The following ZNF283 variants were observed in gnomAD, a reference collection of about 807,000 sequenced individuals.
ZNF283 encodes zinc finger protein 41.
In ZNF283, 10 loss-of-function variants were observed where a neutral mutation model predicts 9.2. That is an observed-to-expected ratio of 1.09 (90% CI 0.67 to 1.85). The LOEUF (loss-of-function observed/expected upper bound fraction) is 1.85. Ranked by LOEUF, ZNF283 falls within the 40% of genes most tolerant of loss-of-function variation. ZNF283 has a pLI of 0.00. For synonymous variants in ZNF283, 234 were observed against 244.1 expected (o/e 0.96, Z 0.38); for missense variants, 631 against 760.1 (o/e 0.83, Z 2.00).
chr19:43,848,681 CA>C lies in ZNF283; in HGVS notation c.*42del. On this transcript the variant is annotated 3_prime_UTR_variant, in exon 7 of 7. Transcript: ENST00000618787. ...AGAATATTTTGTGTGTGTGTATAGACAACTTATCATAATAAGAACTCTTACT... is the reference window on the plus strand; with the variant it reads ...AGAATATTTTGTGTGTGTGTATAGACACTTATCATAATAAGAACTCTTACT... The C allele has an allele frequency of 6.7e-7, 1 of 1,487,318 alleles. No individual in the cohort carries two copies. The highest frequency in any genetic ancestry group is 1.5e-5 in the South Asian group (1 of 66,414). The allele number at this position is 1,487,318 out of a possible 1,614,324, so 92.1% of individuals were successfully genotyped here.
chr19:43,846,693 C>T (rs1020365362), intron 6 of ZNF283, among the ~76,000 whole-genome samples: 8 of 152,090 alleles, frequency 5.3e-5, no homozygotes, highest in South Asian at 4.1e-4. Context: ...GGAACATCAG[C>T]GTGGGAAAAT....
chr19:43,847,209 C>T lies in ZNF283; in HGVS notation c.608C>T (p.Thr203Ile), dbSNP rs1363015911. ...SLTPHQRIHN[T>I]EKSYVCKECG... The stretch of plus-strand genomic sequence containing the variant: ...ACTCCACATCAAAGAATTCATAATA[C>T]AGAGAAATCCTATGTTTGTAAGGAA... The change falls in exon 7 of 7, where the codon ACA (threonine) becomes ATA (isoleucine). Residue 203 changes from threonine to isoleucine, a missense_variant. Coordinates refer to ENST00000618787, the MANE Select transcript of ZNF283 (RefSeq NM_181845.2). 1 of 1,613,836 alleles carries T rather than the reference C, an allele frequency of 6.2e-7. No individual in the cohort carries two copies. The highest frequency in any genetic ancestry group is 8.5e-7 in the Non-Finnish European group (1 of 1,179,802).
chr19:43,841,979 A>G (rs533241683), intron 6 of ZNF283, among the ~76,000 whole-genome samples: 1 of 152,264 alleles, frequency 6.6e-6, no homozygotes, highest in South Asian at 2.1e-4. Flanking sequence ...CTTTACATTT[A>G]TCATGCTTCA....
chr19:43,847,444 T>C lies in ZNF283; in HGVS notation c.843T>C (p.His281=). 1 of 1,613,984 alleles carries C rather than the reference T, an allele frequency of 6.2e-7. No homozygotes were observed. The highest frequency in any genetic ancestry group is 8.5e-7 in the Non-Finnish European group (1 of 1,179,930). ...TFSWGSSLVK[H]ERIHTGEKPY... is the part of the protein sequence containing the mutation. ...GCTGGGGATCAAGCCTTGTTAAACA[T>C]GAGAGAATTCACACTGGTGAGAAAC... The change falls in exon 7 of 7, where the codon CAT becomes CAC. Residue 281 remains histidine, a synonymous_variant. Transcript: ENST00000618787.
At chr19:43,839,785 C>A (rs1331989250) in intron 6 of ZNF283, among the ~76,000 whole-genome samples, 1 of 151,908 alleles carries the variant, frequency 6.6e-6, no homozygotes, top group African/African-American at 2.4e-5. Context: ...AATTTCTATC[C>A]TTTTATTGAT....
intron 6 of ZNF283, among the ~76,000 whole-genome samples, chr19:43,838,442 A>G (rs1971067630): frequency 6.6e-6 from 1 of 152,154 alleles, no homozygotes; most frequent in African/African-American, 2.4e-5. Context: ...CATGGGCAGC[A>G]TGGCAAAACC....
intron 6 of ZNF283, among the ~76,000 whole-genome samples, chr19:43,846,443 A>T (rs1971402903): frequency 1.3e-5 from 2 of 152,176 alleles, no homozygotes; most frequent in Non-Finnish European, 2.9e-5. Context: ...TGTTTTTGCA[A>T]ATAAAGTTGT....
chr19:43,838,405 C>T (rs1391842760), intron 6 of ZNF283, among the ~76,000 whole-genome samples: 2 of 152,160 alleles, frequency 1.3e-5, no homozygotes, highest in African/African-American at 4.8e-5. Context: ...ACGGTTGGAT[C>T]ACTTGAGGCC....
intron 6 of ZNF283, among the ~76,000 whole-genome samples, chr19:43,846,537 T>C (rs7254659): frequency 0.4 from 61,498 of 151,942 alleles, 12,875 homozygotes; most frequent in South Asian, 0.55. Flanking sequence ...TTGCGACCAT[T>C]GAGTTGTTAG....
Position 43,847,144 on chromosome 19 carries a change from C to G in ZNF283, c.543C>G (p.Ser181Arg), listed in dbSNP as rs1249834989. 1.2e-6 allele frequency: 2 copies of G among 1,613,222 alleles called. No individual in the cohort carries two copies. The highest frequency in any genetic ancestry group is 2.7e-5 in the African/African-American group (2 of 74,890). Reference sequence around the variant, plus strand: ...GATACTTCAGTCAAATGATAATCAGCTATGAAAAAATACCTTCTTACAGAA... The same window carrying G: ...GATACTTCAGTCAAATGATAATCAGGTATGAAAAAATACCTTCTTACAGAA... ...QEGYFSQMII[S>R]YEKIPSYRKS... Residue 181 changes from serine to arginine, a missense_variant, in exon 7 of 7, where the codon AGC becomes AGG. Physicochemically the swap from Ser to Arg is moderately radical, Grantham distance 110 (BLOSUM62 -1). This residue lies in a region of ZNF283 where 184 missense variants were observed against 220.0 expected (regional missense o/e 0.84). Transcript: ENST00000618787.
chr19:43,839,550 T>C (rs940601297), intron 6 of ZNF283, among the ~76,000 whole-genome samples: 15 of 152,174 alleles, frequency 9.9e-5, no homozygotes, highest in Admixed American at 9.2e-4. Flanking sequence ...CTCTCTTCTT[T>C]TTCTGGGACT....
chr19:43,845,474 C>A (rs906450308), intron 6 of ZNF283, among the ~76,000 whole-genome samples: 1 of 152,062 alleles, frequency 6.6e-6, no homozygotes, highest in Non-Finnish European at 1.5e-5. Flanking sequence ...ACTAATTAAT[C>A]AGAACATCAA....
intron 2 of ZNF283, among the ~76,000 whole-genome samples, chr19:43,828,698 C>G (rs958483755): frequency 6.6e-6 from 1 of 151,586 alleles, no homozygotes; most frequent in Non-Finnish European, 1.5e-5. Context: ...ACTCTGTTGC[C>G]CAGGCTGAGT....
In ZNF283 at chr19:43,847,008, C is replaced by T. The variant is rs745894331; in HGVS notation, c.407C>T (p.Ser136Phe). 2 of 1,569,442 alleles carry T rather than the reference C, an allele frequency of 1.3e-6. No homozygotes were observed. Among genetic ancestry groups the T allele is most frequent in the Non-Finnish European group, 8.6e-7 (1 of 1,161,356 alleles). ...SENDIFEINF[S>F]QWEMKDKSKT... ...AATGATATTTTTGAAATAAATTTTT[C>T]CCAGTGGGAGATGAAGGACAAAAGT... The change falls in exon 7 of 7, where the codon TCC becomes TTC. Residue 136 changes from serine to phenylalanine, a missense_variant. Ser to Phe is a radical substitution (Grantham distance 155, BLOSUM62 -2). Transcript: ENST00000618787.
intron 2 of ZNF283, among the ~76,000 whole-genome samples, chr19:43,830,764 G>A (rs1167821717): frequency 4.0e-5 from 6 of 151,870 alleles, no homozygotes; most frequent in Admixed American, 6.6e-5. Context: ...TTAGCCGGGC[G>A]TGGTGGCGTG....
intron 6 of ZNF283, among the ~76,000 whole-genome samples, chr19:43,839,492 T>G (rs1314325712): frequency 6.6e-6 from 1 of 152,186 alleles, no homozygotes; most frequent in Non-Finnish European, 1.5e-5. Context: ...TGTCAGATTT[T>G]GGAAGTTTTC....
In ZNF283 at chr19:43,848,378, C is replaced by G; in HGVS notation, c.1777C>G (p.His593Asp). ...GSSLVKHERV[H>D]TNEKSYECKD... ...AAGCCTAGTTAAGCATGAGAGAGTC[C>G]ATACTAATGAGAAGTCTTATGAATG... The change falls in exon 7 of 7, where the codon CAT (histidine) becomes GAT (aspartate). Residue 593 changes from histidine to aspartate, a missense_variant. By Grantham distance (81) the His-to-Asp change is moderately conservative. Around this residue, in one of 3 missense-constraint regions of ZNF283, gnomAD observed 444 missense variants for 522.5 expected, o/e 0.85. Transcript: ENST00000618787. 2.5e-6 allele frequency: 4 copies of G among 1,613,668 alleles called. No individual in the cohort carries two copies. The highest frequency in any genetic ancestry group is 3.4e-6 in the Non-Finnish European group (4 of 1,179,850).
rs1281571909 is a variant in ZNF283, at chr19:43,847,674, G to T, written c.1073G>T (p.Arg358Leu). The T allele has an allele frequency of 3.1e-6, 5 of 1,613,592 alleles. No homozygotes were observed. The East Asian group carries it at 1.1e-4, about 36-fold the overall frequency. ...AAAGAATGTGGGAAGGCCTTCAGTC[G>T]TGGCTATCAGCTTACTCAGCATCAG... The part of the protein sequence containing the change: ...KCKECGKAFS[R>L]GYQLTQHQKI... Residue 358 changes from arginine (R) to leucine (L), a missense_variant, in exon 7 of 7, where the codon CGT becomes CTT. By Grantham distance (102) the Arg-to-Leu change is moderately radical. This residue lies in a region of ZNF283 where 444 missense variants were observed against 522.5 expected (regional missense o/e 0.85). Transcript: ENST00000618787.
intron 5 of ZNF283, 51 bp from the exon 6 acceptor site, chr19:43,837,002 T>C: frequency 6.2e-7 from 1 of 1,605,738 alleles, no homozygotes; most frequent in Non-Finnish European, 8.5e-7. Flanking sequence ...TTTTTCCTCT[T>C]GGAAATGTTT....
Sources: gnomAD v4.1 joint callset for allele counts (sites outside exome capture counted in the v4.1 genomes callset) on GRCh38, gnomAD v4.1.1 for gene constraint, gnomAD v4.1.1 regional missense constraint, MANE v1.5 for transcripts, NCBI Gene and HGNC (gene_info 2026-07-23, HGNC 2026-07-21) for gene names.